The following RNF157 variants were observed in gnomAD, a reference collection of about 807,000 sequenced individuals.
The protein encoded by RNF157 is ring finger protein 157.
A neutral mutation model predicts 88.3 loss-of-function variants in RNF157; 55 were observed. The ratio of observed to expected loss-of-function variants is 0.62; its 90% CI spans 0.50 to 0.78. The LOEUF (loss-of-function observed/expected upper bound fraction) is 0.78, where lower values mean the gene tolerates loss of function less well. Among genes scored for constraint, RNF157 ranks in the 30% least tolerant of loss-of-function variants. The probability of loss-of-function intolerance (pLI) is 0.00; values close to 1 mark genes in which losing one functional copy is unlikely to be tolerated. For synonymous variants in RNF157, 334 were observed against 341.2 expected (o/e 0.98, Z 0.23); for missense variants, 788 against 860.8 (o/e 0.92, Z 1.06).
At chr17:76,158,023 C>A (rs1568026774) in intron 13 of RNF157, among the ~76,000 whole-genome samples, 1 of 152,094 alleles carries the variant, frequency 6.6e-6, no homozygotes, top group Non-Finnish European at 1.5e-5. Flanking sequence ...GCCCCCACTT[C>A]CAGCCGTGAC....
At chr17:76,225,028 C>T (rs929055927) in intron 1 of RNF157, among the ~76,000 whole-genome samples, 1 of 151,838 alleles carries the variant, frequency 6.6e-6, no homozygotes, top group African/African-American at 2.4e-5. Flanking sequence ...AAAAATTAGC[C>T]GGGTATGGTG....
intron 1 of RNF157, among the ~76,000 whole-genome samples, chr17:76,235,949 C>T (rs1276932706): frequency 1.3e-5 from 2 of 152,160 alleles, no homozygotes; most frequent in Non-Finnish European, 2.9e-5. Context: ...TTTGAGGTTA[C>T]AGTGAGCTTT....
At chr17:76,219,093 A>C (rs2069938768) in intron 1 of RNF157, among the ~76,000 whole-genome samples, 1 of 152,142 alleles carries the variant, frequency 6.6e-6, no homozygotes, top group African/African-American at 2.4e-5. Flanking sequence ...ATGCTGGAGT[A>C]AAGAGGAGAG....
intron 2 of RNF157, among the ~76,000 whole-genome samples, chr17:76,188,603 C>CA (rs573470609): frequency 3.2e-4 from 48 of 152,282 alleles, no homozygotes; most frequent in Admixed American, 7.2e-4. Flanking sequence ...TAATTCCCCC[C>CA]AAAGCAATGC....
At chr17:76,212,582 C>T (rs2069821192) in intron 1 of RNF157, 100 bp from the exon 2 acceptor site, 4 of 775,940 alleles carry the variant, frequency 5.2e-6, no homozygotes, top group Non-Finnish European at 8.4e-6. Context: ...ACCTTTTGGG[C>T]TGTGCGTGGT....
At chr17:76,238,215 G>T (rs963468435) in intron 1 of RNF157, among the ~76,000 whole-genome samples, 7 of 152,188 alleles carry the variant, frequency 4.6e-5, no homozygotes, top group Non-Finnish European at 1.0e-4. Context: ...CAGAAGAAAG[G>T]CGATGCCTCC....
intron 18 of RNF157, among the ~76,000 whole-genome samples, chr17:76,148,309 C>T (rs1361235450): frequency 1.3e-5 from 2 of 149,420 alleles, no homozygotes; most frequent in Non-Finnish European, 3.0e-5. Flanking sequence ...CTCTGTCGCC[C>T]AGGCTGGAGT....
intron 5 of RNF157, 78 bp from the exon 6 acceptor site, chr17:76,166,605 G>A (rs536134326): frequency 6.0e-6 from 7 of 1,172,790 alleles, no homozygotes; most frequent in East Asian, 4.7e-5. Flanking sequence ...CAGAAAGGGC[G>A]ATACTGTCAA....
intron 2 of RNF157, among the ~76,000 whole-genome samples, chr17:76,204,799 G>T (rs567960023): frequency 1.4e-4 from 19 of 133,382 alleles, no homozygotes; most frequent in African/African-American, 6.3e-4. Context: ...TTTTTTTTGA[G>T]ACTGAGTCTC....
rs1205076045 is a variant in RNF157, at chr17:76,157,261, C to T, written c.1414-940G>A. Among the ~76,000 whole-genome samples the T allele has an allele frequency of 1.3e-5, 2 of 152,370 alleles. No homozygotes were observed. Among genetic ancestry groups the T allele is most frequent in the East Asian group, 3.9e-4 (2 of 5,186 alleles). ...GATTCCAGGCGTGAGCCTCCGCGCC[C>T]GGCCAGTCACACAGTCCTTCTTGCC... On this transcript the variant is annotated intron_variant, in intron 13 of 18. Transcript: ENST00000269391. The surrounding 1 kb of genome is among the most constrained non-coding windows in gnomAD (Gnocchi z 5.6).
rs566134987 is a variant in RNF157 at position 76,160,026 on chromosome 17, C to T, written c.1066-453G>A. Among the ~76,000 whole-genome samples, 5 of 152,268 alleles carry T rather than the reference C, an allele frequency of 3.3e-5. No homozygotes were observed. The highest frequency in any genetic ancestry group is 6.5e-5 in the Admixed American group (1 of 15,302). ...ATAGAGATGGGATCTCACTATGTTGCCCAGGCTGGTCTTGAGCTCCTGGTC... is the reference window on the plus strand; with the variant it reads ...ATAGAGATGGGATCTCACTATGTTGTCCAGGCTGGTCTTGAGCTCCTGGTC... On this transcript the variant is annotated intron_variant, in intron 11 of 18. Coordinates refer to ENST00000269391, the MANE Select transcript of RNF157 (RefSeq NM_052916.3). This position sits in a 1 kb window ranked among gnomAD's most constrained non-coding sequence, Gnocchi z 4.3.
At chr17:76,163,274 C>A (rs2068872954) in intron 8 of RNF157, 1 of 150,744 alleles carries the variant, frequency 6.6e-6, no homozygotes, top group Non-Finnish European at 1.5e-5. Context: ...CTCGCTGCAA[C>A]CTCCACCTCC....
chr17:76,165,584 C>T (rs748196785), intron 6 of RNF157, 39 bp from the exon 7 acceptor site: 35 of 1,610,676 alleles, frequency 2.2e-5, no homozygotes, highest in Non-Finnish European at 2.8e-5. Flanking sequence ...GAAGCCCAAA[C>T]AGCACATCTT....
intron 6 of RNF157, 40 bp downstream of exon 6, chr17:76,166,421 A>G (rs1397153283): frequency 6.5e-7 from 1 of 1,537,144 alleles, no homozygotes; most frequent in Admixed American, 1.7e-5. Flanking sequence ...GCCACAAAAG[A>G]GCAGTGTGCA....
In RNF157 at chr17:76,154,341, G is replaced by A. The variant is rs539539598; in HGVS notation, c.1765-13C>T. 2.9e-5 allele frequency: 47 copies of A among 1,606,778 alleles called. No individual in the cohort carries two copies. The Admixed American group carries it at 4.8e-4, about 17-fold the overall frequency. On this transcript the variant is annotated splice_polypyrimidine_tract_variant and intron_variant, in intron 16 of 18. Coordinates refer to ENST00000269391, the MANE Select transcript of RNF157 (RefSeq NM_052916.3). Reference sequence around the variant, plus strand: ...TAACATCATTTCCCTAGGACAGAAGGAAGGCCCTGTGAGTCTATGAAGCGG... The same window carrying A: ...TAACATCATTTCCCTAGGACAGAAGAAAGGCCCTGTGAGTCTATGAAGCGG...
At chr17:76,189,113 T>C (rs1479241709) in intron 2 of RNF157, among the ~76,000 whole-genome samples, 2 of 152,160 alleles carry the variant, frequency 1.3e-5, no homozygotes, top group African/African-American at 4.8e-5. Flanking sequence ...GAACCAAAAG[T>C]ATCCTGGACT....
intron 2 of RNF157, among the ~76,000 whole-genome samples, chr17:76,193,213 T>A (rs560686060): frequency 6.6e-6 from 1 of 152,336 alleles, no homozygotes; most frequent in Admixed American, 6.5e-5. Context: ...AGCTTCTGTC[T>A]ATCTCATAGG....
At chr17:76,203,065 G>A (rs1350457145) in intron 2 of RNF157, among the ~76,000 whole-genome samples, 1 of 151,884 alleles carries the variant, frequency 6.6e-6, no homozygotes, top group African/African-American at 2.4e-5. Flanking sequence ...ATCTCCGCTC[G>A]CTGCAACCTC....
In RNF157 at chr17:76,193,729, T is replaced by C. The variant is rs138185227; in HGVS notation, c.207+18635A>G. Among the ~76,000 whole-genome samples, 11 of 152,318 alleles carry C rather than the reference T, an allele frequency of 7.2e-5. No homozygotes were observed. The East Asian group carries it at 2.1e-3, about 29-fold the overall frequency. ...AACAAACGTGACTTCTGAAGCCTGA[T>C]CCGAAACAATCAGGAGCTGAGCGAG... On this transcript the variant is annotated intron_variant, in intron 2 of 18. Transcript: ENST00000269391.
Sources: gnomAD v4.1 joint callset for allele counts (sites outside exome capture counted in the v4.1 genomes callset) on GRCh38, gnomAD v4.1.1 for gene constraint, Gnocchi (gnomAD v3.1) non-coding constraint, MANE v1.5 for transcripts, NCBI Gene and HGNC (gene_info 2026-07-23, HGNC 2026-07-21) for gene names.